HM13: variants seen among roughly 807,000 people sequenced by gnomAD.
The protein encoded by HM13 is signal peptide peptidase.
Under a neutral mutation model 50.0 loss-of-function variants are expected in HM13, and 18 were observed. The ratio of observed to expected loss-of-function variants is 0.36; its 90% CI spans 0.25 to 0.53. The LOEUF is 0.53. Ranked by LOEUF, HM13 falls within the 20% of genes least tolerant of loss-of-function variation. The pLI is 0.90. For synonymous variants in HM13, 197 were observed against 232.6 expected (o/e 0.85, Z 1.39); for missense variants, 393 against 552.4 (o/e 0.71, Z 2.89).
In HM13 at chr20:31,568,837, T is replaced by C. The variant is rs574504929; in HGVS notation, c.1182-283T>C. On this transcript the variant is annotated intron_variant, in intron 12 of 12. Transcript: ENST00000398174. Reference sequence around the variant, plus strand: ...AGCAGAAGGTTCAGGAAGCTTGAAATCAGCCCACACAAGCCCAGGCCCAAC... The same window carrying C: ...AGCAGAAGGTTCAGGAAGCTTGAAACCAGCCCACACAAGCCCAGGCCCAAC... Among the ~76,000 whole-genome samples the C allele has an allele frequency of 2.6e-4, 39 of 152,306 alleles. 1 individual carries two copies. The highest frequency in any genetic ancestry group is 9.4e-4 in the African/African-American group (39 of 41,580).
chr20:31,551,002 ATATG>A (rs2122629568), intron 7 of HM13, among the ~76,000 whole-genome samples: 1 of 152,324 alleles, frequency 6.6e-6, no homozygotes, highest in South Asian at 2.1e-4. Context: ...GTATAAATAT[ATATG>A]TGTGTGTACA....
In HM13 at chr20:31,527,595, C is replaced by A. The variant is rs1982573448; in HGVS notation, c.282+13C>A. ...CCTCTTTTTCAAAGTAAGTCTTTTGCCACCTGTTGTGTCATTTGATCTAAA... is the reference window on the plus strand; with the variant it reads ...CCTCTTTTTCAAAGTAAGTCTTTTGACACCTGTTGTGTCATTTGATCTAAA... On this transcript the variant is annotated intron_variant, in intron 2 of 12. Coordinates refer to ENST00000398174, the MANE Select transcript of HM13 (RefSeq NM_178581.3). 5 of 1,563,812 alleles carry A rather than the reference C, an allele frequency of 3.2e-6. No individual in the cohort carries two copies. The highest frequency in any genetic ancestry group is 4.4e-6 in the Non-Finnish European group (5 of 1,135,788).
At chr20:31,544,070 T>C (rs1271911603) in intron 3 of HM13, among the ~76,000 whole-genome samples, 2 of 152,176 alleles carry the variant, frequency 1.3e-5, no homozygotes, top group Non-Finnish European at 2.9e-5. Flanking sequence ...ATAGCAATGC[T>C]CTGAGACAGA....
chr20:31,562,531 A>G (rs1984673472), intron 10 of HM13: 1 of 152,280 alleles, frequency 6.6e-6, no homozygotes, highest in Non-Finnish European at 1.5e-5. Flanking sequence ...GAAACGCAGC[A>G]TTGAACAGGG....
chr20:31,567,507 A>ATCTCTCTCTC (rs201743992), intron 11 of HM13: 2 of 149,742 alleles, frequency 1.3e-5, no homozygotes, highest in Non-Finnish European at 3.0e-5. Context: ...AAAGCAAGTG[A>ATCTCTCTCTC]TCTCTCTCTC....
intron 2 of HM13, among the ~76,000 whole-genome samples, chr20:31,535,838 G>A (rs1319625632): frequency 6.6e-6 from 1 of 152,204 alleles, no homozygotes; most frequent in East Asian, 1.9e-4. Context: ...ACAGATAGAT[G>A]TGAAGTTACA....
chr20:31,559,492 T>A (rs1984494449), intron 8 of HM13, 119 bp from the exon 9 acceptor site: 1 of 961,160 alleles, frequency 1.0e-6, no homozygotes, highest in Admixed American at 1.7e-5. Flanking sequence ...GGCCACACCC[T>A]TGGTCTCCAA....
intron 2 of HM13, among the ~76,000 whole-genome samples, chr20:31,529,775 T>C (rs1982703893): frequency 6.6e-6 from 1 of 152,076 alleles, no homozygotes; most frequent in Non-Finnish European, 1.5e-5. Context: ...AAATCCATCC[T>C]GGCCAACGTG....
Position 31,547,300 on chromosome 20 carries a change from C to T in HM13, c.455-1729C>T, listed in dbSNP as rs912503707. On this transcript the variant is annotated intron_variant, in intron 4 of 12. Transcript: ENST00000398174. ...GAAGGAACAGCGGGCCAAGCGCAGT[C>T]GTGACGTGGCGTTCAGAGAGCGGAA... 14 of 263,006 alleles carry T rather than the reference C, an allele frequency of 5.3e-5. No individual in the cohort carries two copies. The Admixed American group carries it at 6.7e-4, about 13-fold the overall frequency. The allele number at this position is 263,006 out of a possible 1,614,324, so 16.3% of individuals were successfully genotyped here. A position where few individuals can be genotyped will look rare whatever the true frequency, so the allele number is the denominator to read the frequency against.
At chr20:31,567,924 T>C in intron 11 of HM13, 154 bp from the exon 12 acceptor site, 1 of 662,936 alleles carries the variant, frequency 1.5e-6, no homozygotes, top group Non-Finnish European at 2.5e-6. Flanking sequence ...ATTCTCCAAA[T>C]AATATCAGCT....
intron 11 of HM13, chr20:31,567,766 CGGT>C (rs942167737): frequency 4.0e-5 from 12 of 297,412 alleles, no homozygotes; most frequent in Admixed American, 5.4e-5. Flanking sequence ...CTTGCACAGA[CGGT>C]GGCATTCTTG....
At chr20:31,539,393 T>A in intron 3 of HM13, 1 of 985,468 alleles carries the variant, frequency 1.0e-6, no homozygotes, top group Non-Finnish European at 1.2e-6. Context: ...TGAACTTAGC[T>A]TTCTTTGAAG....
intron 1 of HM13, among the ~76,000 whole-genome samples, chr20:31,521,588 G>T (rs1360910702): frequency 6.6e-6 from 1 of 152,000 alleles, no homozygotes; most frequent in Admixed American, 6.6e-5. Context: ...AATTAGCTGG[G>T]CGTGGTGGTA....
At chr20:31,538,664 A>T in intron 3 of HM13, 1 of 1,126,014 alleles carries the variant, frequency 8.9e-7, no homozygotes, top group Non-Finnish European at 1.1e-6. Context: ...GAGGCAGCAT[A>T]GTGAAAAGTT....
At chr20:31,548,932 A>T in intron 4 of HM13, 97 bp from the exon 5 acceptor site, 1 of 1,053,932 alleles carries the variant, frequency 9.5e-7, no homozygotes, top group Non-Finnish European at 1.5e-6. Context: ...TGAACCTCTC[A>T]CAGTGCCCAC....
intron 1 of HM13, among the ~76,000 whole-genome samples, chr20:31,526,972 T>G (rs1366921956): frequency 1.3e-5 from 2 of 152,238 alleles, no homozygotes; most frequent in Non-Finnish European, 2.9e-5. Context: ...GCCATAGCCC[T>G]TCTCCCCAGA....
chr20:31,545,872 T>C (rs1983683684), intron 4 of HM13, among the ~76,000 whole-genome samples: 1 of 152,018 alleles, frequency 6.6e-6, no homozygotes, highest in African/African-American at 2.4e-5. Context: ...TTTTTTTGTA[T>C]TTTTAGTAGA....
intron 8 of HM13, among the ~76,000 whole-genome samples, chr20:31,558,580 C>T (rs1984442413): frequency 6.6e-6 from 1 of 152,112 alleles, no homozygotes; most frequent in Non-Finnish European, 1.5e-5. Flanking sequence ...TTCCAAGAAG[C>T]CTTCCTTCTT....
rs144617160 is a variant in HM13 at position 31,524,016 on chromosome 20, C to T, written c.184-3468C>T. ...CTCACCTCTCCCTGATAGTCACAACCCCCAATACAGGCACAGTACTTTAGT... is the reference window on the plus strand; with the variant it reads ...CTCACCTCTCCCTGATAGTCACAACTCCCAATACAGGCACAGTACTTTAGT... On this transcript the variant is annotated intron_variant, in intron 1 of 12. Transcript: ENST00000398174. Among the ~76,000 whole-genome samples the T allele has an allele frequency of 7.2e-5, 11 of 152,292 alleles. No homozygotes were observed. In the East Asian group the frequency reaches 1.5e-3, roughly 21 times the overall value.
Sources: allele counts gnomAD v4.1 joint callset (sites outside exome capture counted in the v4.1 genomes callset), GRCh38; gene constraint gnomAD v4.1.1; transcripts MANE v1.5; gene names NCBI Gene and HGNC (gene_info 2026-07-23, HGNC 2026-07-21).